The following MROH2A variants were observed in gnomAD, a reference collection of about 807,000 sequenced individuals.
The protein encoded by MROH2A is maestro heat-like repeat-containing protein family member 2A.
A neutral mutation model predicts 200.4 loss-of-function variants in MROH2A; 174 were observed. The observed-to-expected ratio is 0.87, with a 90% CI of 0.77 to 0.98. The LOEUF is 0.98. Ranked by LOEUF, MROH2A falls within the 50% of genes least tolerant of loss-of-function variation. The pLI is 0.00. For missense variants in MROH2A, 2,045 were observed against 2,139.6 expected, an observed-to-expected ratio of 0.96 and a Z score of 0.87; for synonymous variants, 829 against 840.4, an observed-to-expected ratio of 0.99 and a Z score of 0.23.
intron 5 of MROH2A, among the ~76,000 whole-genome samples, chr2:233,792,316 T>C (rs1392859613): frequency 4.1e-5 from 5 of 122,732 alleles, no homozygotes; most frequent in Admixed American, 3.0e-4. Flanking sequence ...TCTAGCTCAC[T>C]TTTTTTTTTT....
chr2:233,807,700 GC>G lies in MROH2A; in HGVS notation c.2173-30del. The G allele has an allele frequency of 6.4e-7, 1 of 1,550,564 alleles. No individual in the cohort carries two copies. Among genetic ancestry groups the G allele is most frequent in the Non-Finnish European group, 8.7e-7 (1 of 1,146,970 alleles). On this transcript the variant is annotated intron_variant, in intron 20 of 41. Transcript: ENST00000389758. The surrounding 1 kb of genome is among the most constrained non-coding windows in gnomAD (Gnocchi z 4.3). ...GATCCTCCTCTGCCCACTGGCCCCT[GC>G]CCTCACCCTGGCTGGCTGGGTCTCC...
At chr2:233,796,075 CT>C in intron 10 of MROH2A, 30 bp downstream of exon 10, 1 of 1,547,214 alleles carries the variant, frequency 6.5e-7, no homozygotes, top group Non-Finnish European at 8.7e-7. Flanking sequence ...TGCTCCCTGC[CT>C]GCCCCGAGGC....
At chr2:233,788,073 AC>A (rs1250496204) in intron 3 of MROH2A, among the ~76,000 whole-genome samples, 2 of 85,712 alleles carry the variant, frequency 2.3e-5, no homozygotes, top group Non-Finnish European at 4.3e-5. Flanking sequence ...TTATATATAT[AC>A]ATATATATTA....
At chr2:233,795,074 G>C (rs1702018079) in intron 8 of MROH2A, among the ~76,000 whole-genome samples, 1 of 152,076 alleles carries the variant, frequency 6.6e-6, no homozygotes, top group Non-Finnish European at 1.5e-5. Flanking sequence ...ATCTCACTTC[G>C]AAATCCTGAA....
chr2:233,815,826 T>C (rs958855257), intron 26 of MROH2A, among the ~76,000 whole-genome samples: 2 of 144,852 alleles, frequency 1.4e-5, no homozygotes, highest in Non-Finnish European at 3.0e-5. Context: ...GATCAGATAA[T>C]GTAAGTCCTT....
rs753603060 is a variant in MROH2A at position 233,796,289 on chromosome 2, A to G, written c.1228A>G (p.Ile410Val). The G allele has an allele frequency of 6.2e-6, 8 of 1,280,914 alleles. No homozygotes were observed. In the African/African-American group the frequency reaches 7.0e-5, roughly 11 times the overall value. The allele number at this position is 1,280,914 out of a possible 1,614,324, so 79.3% of individuals were successfully genotyped here. A position where few individuals can be genotyped will look rare whatever the true frequency, so the allele number is the denominator to read the frequency against. The part of the protein sequence containing the change: ...EAVRVGTLNL[I>V]RAIVSADEPR... Reference sequence around the variant, plus strand: ...CGTCCGCGTGGGGACTCTGAATCTGATTAGGGCTATAGTGAGCGCAGATGG... The same window carrying G: ...CGTCCGCGTGGGGACTCTGAATCTGGTTAGGGCTATAGTGAGCGCAGATGG... Residue 410 changes from isoleucine (I) to valine (V), a missense_variant, in exon 11 of 42, where the codon ATT becomes GTT. Ile to Val is a conservative substitution (Grantham distance 29, BLOSUM62 3). Coordinates refer to ENST00000389758, the MANE Select transcript of MROH2A (RefSeq NM_001394639.1).
upstream of MROH2A, among the ~76,000 whole-genome samples, chr2:233,777,363 A>T (rs1018039952): frequency 2.0e-5 from 3 of 152,214 alleles, no homozygotes; most frequent in Admixed American, 1.3e-4. Flanking sequence ...ACATCACCTC[A>T]GTGATCTTTC....
At chr2:233,790,339 A>G (rs1280035536) in intron 5 of MROH2A, among the ~76,000 whole-genome samples, 1 of 134,242 alleles carries the variant, frequency 7.4e-6, no homozygotes, top group African/African-American at 2.9e-5. Context: ...TGCCTGCCTT[A>G]CTTACTCCTT....
At chr2:233,832,313 A>G (rs1457801976) in intron 40 of MROH2A, 34 bp downstream of exon 40, 3 of 1,530,642 alleles carry the variant, frequency 2.0e-6, no homozygotes, top group South Asian at 2.4e-5. Flanking sequence ...CTCAAGATAG[A>G]CTTTGAAGGC....
In MROH2A at chr2:233,811,863, C is replaced by A. The variant is rs562569405; in HGVS notation, c.2572-17C>A. On this transcript the variant is annotated splice_polypyrimidine_tract_variant and intron_variant, in intron 23 of 41. Coordinates refer to ENST00000389758, the MANE Select transcript of MROH2A (RefSeq NM_001394639.1). ...CATGGTCACCAAAAGCCACCACCCC[C>A]TGCTTGTGTTGGACAGGCGGTCATC... 50 of 1,545,654 alleles carry A rather than the reference C, an allele frequency of 3.2e-5. No homozygotes were observed. The highest frequency in any genetic ancestry group is 3.9e-5 in the Non-Finnish European group (45 of 1,142,668).
At chr2:233,808,481 G>A (rs1309126964) in intron 21 of MROH2A, among the ~76,000 whole-genome samples, 1 of 152,208 alleles carries the variant, frequency 6.6e-6, no homozygotes, top group East Asian at 1.9e-4. Context: ...CCATGCCTCA[G>A]GCTTTGCCCT....
intron 27 of MROH2A, 132 bp downstream of exon 27, chr2:233,817,017 G>T (rs1703581212): frequency 1.2e-5 from 7 of 601,908 alleles, no homozygotes; most frequent in Non-Finnish European, 2.0e-5. Flanking sequence ...GGGAGAGGCT[G>T]CAGTGACCTA....
chr2:233,799,922 C>T, intron 13 of MROH2A, 23 bp downstream of exon 13: 3 of 1,550,284 alleles, frequency 1.9e-6, no homozygotes, highest in Non-Finnish European at 1.7e-6. Context: ...GATACGCAGA[C>T]CGCAGAGCAG....
At chr2:233,779,323 C>T in intron 1 of MROH2A, 22 bp from the exon 2 acceptor site, 1 of 1,466,618 alleles carries the variant, frequency 6.8e-7, no homozygotes, top group Non-Finnish European at 9.3e-7. Flanking sequence ...CCGTATTTTA[C>T]AAATTCTGTT....
At position 233,800,280 on chromosome 2, in the gene MROH2A, A is replaced by G. The variant is rs746013701; in HGVS notation, c.1525A>G (p.Lys509Glu). The G allele has an allele frequency of 6.5e-7, 1 of 1,550,038 alleles. No individual in the cohort carries two copies. The highest frequency in any genetic ancestry group is 1.2e-5 in the South Asian group (1 of 84,024). Reference protein sequence around the residue: ...MVHKVTMDTVKIITSSVSGMT... With the variant: ...MVHKVTMDTVEIITSSVSGMT... ...CCACAAAGTCACCATGGACACTGTG[A>G]AGATCATTACCTCTTCTGTCAGTGG... Residue 509 changes from lysine to glutamate, a missense_variant, in exon 14 of 42, where the codon AAG (lysine) becomes GAG (glutamate). Around this residue, in one of 3 missense-constraint regions of MROH2A, gnomAD observed 831 missense variants for 800.0 expected, o/e 1.04. Coordinates refer to ENST00000389758, the MANE Select transcript of MROH2A (RefSeq NM_001394639.1).
rs547000310 is a variant in MROH2A at position 233,802,511 on chromosome 2, T to G, written c.1708+196T>G. On this transcript the variant is annotated intron_variant, in intron 15 of 41. Coordinates refer to ENST00000389758, the MANE Select transcript of MROH2A (RefSeq NM_001394639.1). ...TCATATCTAGGTCATGTTAGAATTG[T>G]GTAAACTTCCTTTGGATAGCTCACT... The G allele has an allele frequency of 3.7e-4, 232 of 623,068 alleles. No homozygotes were observed. In the African/African-American group the frequency reaches 3.8e-3, roughly 10 times the overall value. The allele number at this position is 623,068 out of a possible 1,614,324, so 38.6% of individuals were successfully genotyped here.
At chr2:233,817,364 G>A (rs1014598220) in intron 27 of MROH2A, among the ~76,000 whole-genome samples, 1 of 152,180 alleles carries the variant, frequency 6.6e-6, no homozygotes, top group Admixed American at 6.5e-5. Context: ...TCCTCAGGAT[G>A]GCTGTGGCAG....
chr2:233,819,685 G>C (rs919489694), intron 30 of MROH2A, among the ~76,000 whole-genome samples: 1 of 152,220 alleles, frequency 6.6e-6, no homozygotes, highest in Non-Finnish European at 1.5e-5. Context: ...TGGAGATCAA[G>C]GTTCTCCTCC....
At position 233,818,710 on chromosome 2, in the gene MROH2A, G is replaced by A; in HGVS notation, c.3144G>A (p.Lys1048=). 1 of 1,550,376 alleles carries A rather than the reference G, an allele frequency of 6.5e-7. No homozygotes were observed. Among genetic ancestry groups the A allele is most frequent in the East Asian group, 2.4e-5 (1 of 40,892 alleles). The change falls in exon 29 of 42, where the codon AAG becomes AAA. Residue 1048 remains lysine, a synonymous_variant. Transcript: ENST00000389758. ...AGCAGAAGGAGCTTGAGAAATGTAAGGGGGACCTCCAGAGCACAGATGTGG... is the reference window on the plus strand; with the variant it reads ...AGCAGAAGGAGCTTGAGAAATGTAAAGGGGACCTCCAGAGCACAGATGTGG... ...PSKQKELEKC[K]GDLQSTDVEK...
Sources: allele counts gnomAD v4.1 joint callset (sites outside exome capture counted in the v4.1 genomes callset), GRCh38; gene constraint gnomAD v4.1.1; regional missense constraint gnomAD v4.1.1; non-coding constraint Gnocchi (gnomAD v3.1); transcripts MANE v1.5; gene names NCBI Gene and HGNC (gene_info 2026-07-23, HGNC 2026-07-21).